Variants in SLC6A3 observed in about 807,000 individuals in gnomAD.
The protein encoded by SLC6A3 is solute carrier family 6 member 3.
In SLC6A3, 19 loss-of-function variants were observed where a neutral mutation model predicts 70.4. That is an observed-to-expected ratio of 0.27 (90% CI 0.19 to 0.40). SLC6A3 has a LOEUF of 0.40. Ranked by LOEUF, SLC6A3 falls within the 10% of genes least tolerant of loss-of-function variation. SLC6A3 has a pLI of 1.00. For synonymous variants in SLC6A3, 368 were observed against 356.6 expected, an observed-to-expected ratio of 1.03 and a Z score of -0.36; for missense variants, 613 against 838.5, an observed-to-expected ratio of 0.73 and a Z score of 3.32.
Position 1,406,098 on chromosome 5 carries a change from A to G in SLC6A3, c.1599+90T>C, listed in dbSNP as rs545621628. 430 of 912,040 alleles carry G rather than the reference A, an allele frequency of 4.7e-4. 2 individuals carry two copies. In the East Asian group the frequency reaches 8.5e-3, roughly 18 times the overall value. The allele number at this position is 912,040 out of a possible 1,614,324, so 56.5% of individuals were successfully genotyped here. A position where few individuals can be genotyped will look rare whatever the true frequency, so the allele number is the denominator to read the frequency against. ...GCCCCTGACTCCAGCCACAGTGACA[A>G]CCCACATGCGGGCGCTGGACCTCGG... is the stretch of plus-strand genomic sequence containing the variant. On this transcript the variant is annotated intron_variant, in intron 12 of 14. Transcript: ENST00000270349. This position sits in a 1 kb window ranked among gnomAD's most constrained non-coding sequence, Gnocchi z 8.8.
rs574051057 is a variant in SLC6A3, at chr5:1,413,381, C to T, written c.1156+1310G>A. Among the ~76,000 whole-genome samples, 16 of 152,310 alleles carry T rather than the reference C, an allele frequency of 1.1e-4. No homozygotes were observed. The highest frequency in any genetic ancestry group is 3.4e-4 in the African/African-American group (14 of 41,562). On this transcript the variant is annotated intron_variant, in intron 8 of 14. Coordinates refer to ENST00000270349, the MANE Select transcript of SLC6A3 (RefSeq NM_001044.5). This position sits in a 1 kb window ranked among gnomAD's most constrained non-coding sequence, Gnocchi z 7.1. ...TTCTGTTGCAAGCATGGAGTGGGCCCTTTCAGGTCTCTGAGCGTGTTCCTA... is the reference window on the plus strand; with the variant it reads ...TTCTGTTGCAAGCATGGAGTGGGCCTTTTCAGGTCTCTGAGCGTGTTCCTA...
chr5:1,426,677 G>A (rs1168374086), intron 4 of SLC6A3, among the ~76,000 whole-genome samples: 1 of 152,208 alleles, frequency 6.6e-6, no homozygotes, highest in Non-Finnish European at 1.5e-5. Flanking sequence ...ATATGCTAAG[G>A]AAAATAAGGC....
intron 14 of SLC6A3, among the ~76,000 whole-genome samples, chr5:1,398,465 G>A (rs898019364): frequency 5.3e-5 from 8 of 151,210 alleles, no homozygotes; most frequent in Non-Finnish European, 1.0e-4. Context: ...TCTATAAAAA[G>A]GCAATAAAGG....
At chr5:1,434,067 A>G (rs1255760814) in intron 3 of SLC6A3, among the ~76,000 whole-genome samples, 1 of 152,268 alleles carries the variant, frequency 6.6e-6, no homozygotes, top group Non-Finnish European at 1.5e-5. Context: ...ATCTGTGGCC[A>G]TCTATAGCTG....
chr5:1,410,100 C>T (rs551232826), intron 9 of SLC6A3, among the ~76,000 whole-genome samples: 7 of 152,274 alleles, frequency 4.6e-5, no homozygotes, highest in African/African-American at 9.6e-5. Flanking sequence ...GCAGCCTCTT[C>T]GATGTCTCTG....
At position 1,437,122 on chromosome 5, in the gene SLC6A3, G is replaced by A. The variant is rs1385261708; in HGVS notation, c.418+4237C>T. Among the ~76,000 whole-genome samples, 9 of 152,086 alleles carry A rather than the reference G, an allele frequency of 5.9e-5. No individual in the cohort carries two copies. In the East Asian group the frequency reaches 9.7e-4, roughly 16 times the overall value. On this transcript the variant is annotated intron_variant, in intron 3 of 14. Coordinates refer to ENST00000270349, the MANE Select transcript of SLC6A3 (RefSeq NM_001044.5). The surrounding 1 kb of genome is among the most constrained non-coding windows in gnomAD (Gnocchi z 4.8). ...AAAAATTAGCGGGGCGTGGTGGCAC[G>A]CACCTGTAGCCCCAGCTACTCGGGA...
intron 1 of SLC6A3, among the ~76,000 whole-genome samples, 185 bp from the exon 2 acceptor site, chr5:1,443,427 C>T (rs896877848): frequency 1.3e-5 from 2 of 152,216 alleles, no homozygotes; most frequent in African/African-American, 2.4e-5. Context: ...GAAGTGCCAG[C>T]CCTCACCACA....
In SLC6A3 at chr5:1,408,411, G is replaced by A. The variant is rs1265416815; in HGVS notation, c.1498+615C>T. Among the ~76,000 whole-genome samples, 4 of 152,050 alleles carry A rather than the reference G, an allele frequency of 2.6e-5. No individual in the cohort carries two copies. The highest frequency in any genetic ancestry group is 7.2e-5 in the African/African-American group (3 of 41,412). ...CTGGAAGTGAGCTGGCCAGGTAAGCGGAGCTGGCACTCCTGCCCATTTTAC... is the reference window on the plus strand; with the variant it reads ...CTGGAAGTGAGCTGGCCAGGTAAGCAGAGCTGGCACTCCTGCCCATTTTAC... On this transcript the variant is annotated intron_variant, in intron 11 of 14. Transcript: ENST00000270349. The surrounding 1 kb of genome is among the most constrained non-coding windows in gnomAD (Gnocchi z 6.4).
chr5:1,397,910 T>C lies in SLC6A3; in HGVS notation c.1839+3005A>G, dbSNP rs1289664671. ...ACAAGAACAATGACAGTGTCTAATTTGTGGGTTAAAAAGAGAGAAATAGAT... is the reference window on the plus strand; with the variant it reads ...ACAAGAACAATGACAGTGTCTAATTCGTGGGTTAAAAAGAGAGAAATAGAT... On this transcript the variant is annotated intron_variant, in intron 14 of 14. Transcript: ENST00000270349. The surrounding 1 kb of genome is among the most constrained non-coding windows in gnomAD (Gnocchi z 4.7). 1.3e-5 allele frequency among the ~76,000 whole-genome samples: 2 copies of C among 152,186 alleles called. No individual in the cohort carries two copies. The highest frequency in any genetic ancestry group is 2.9e-5 in the Non-Finnish European group (2 of 68,028).
chr5:1,423,770 G>A (rs1435637447), intron 4 of SLC6A3, among the ~76,000 whole-genome samples: 1 of 152,208 alleles, frequency 6.6e-6, no homozygotes, highest in African/African-American at 2.4e-5. Context: ...CACCACTGCA[G>A]ACTGTGACTT....
chr5:1,436,437 G>A lies in SLC6A3; in HGVS notation c.419-3739C>T, dbSNP rs537115731. Among the ~76,000 whole-genome samples the A allele has an allele frequency of 2.0e-5, 3 of 152,280 alleles. No individual in the cohort carries two copies. The highest frequency in any genetic ancestry group is 4.1e-4 in the South Asian group (2 of 4,822). ...GGTGGCAGGCAAAGTCCCTGCTCGCGTTTCCAGGGAAAACATTCATGAGAA... is the reference window on the plus strand; with the variant it reads ...GGTGGCAGGCAAAGTCCCTGCTCGCATTTCCAGGGAAAACATTCATGAGAA... On this transcript the variant is annotated intron_variant, in intron 3 of 14. Coordinates refer to ENST00000270349, the MANE Select transcript of SLC6A3 (RefSeq NM_001044.5). This position sits in a 1 kb window ranked among gnomAD's most constrained non-coding sequence, Gnocchi z 5.2.
In SLC6A3 at chr5:1,396,083, T is replaced by A. The variant is rs2111329177; in HGVS notation, c.1840-1325A>T. ...ACACGCACATCACAGTGATGAGAAT[T>A]TCACAAGAAACAGCAGAGCACACGC... On this transcript the variant is annotated intron_variant, in intron 14 of 14. Transcript: ENST00000270349. This position sits in a 1 kb window ranked among gnomAD's most constrained non-coding sequence, Gnocchi z 7.0. 6.6e-6 allele frequency among the ~76,000 whole-genome samples: 1 copy of A among 152,130 alleles called. No homozygotes were observed. The highest frequency in any genetic ancestry group is 2.1e-4 in the South Asian group (1 of 4,812).
chr5:1,436,472 T>C lies in SLC6A3; in HGVS notation c.419-3774A>G, dbSNP rs1756838895. The stretch of plus-strand genomic sequence containing the variant: ...AAAACATTCATGAGAACATGGCGCT[T>C]CCCTTCCCTCCTGTCTGACTCCCAG... On this transcript the variant is annotated intron_variant, in intron 3 of 14. Transcript: ENST00000270349. This position sits in a 1 kb window ranked among gnomAD's most constrained non-coding sequence, Gnocchi z 5.2. 6.6e-6 allele frequency among the ~76,000 whole-genome samples: 1 copy of C among 152,224 alleles called. No individual in the cohort carries two copies. The highest frequency in any genetic ancestry group is 2.4e-5 in the African/African-American group (1 of 41,458).
chr5:1,416,069 GC>G (rs1756283384), intron 7 of SLC6A3, 28 bp downstream of exon 7: 1 of 1,530,206 alleles, frequency 6.5e-7, no homozygotes, highest in African/African-American at 1.4e-5. Flanking sequence ...TATTGATGAG[GC>G]CCCTGCCTGG....
rs1430760380 is a variant in SLC6A3 at position 1,396,054 on chromosome 5, T to C, written c.1840-1296A>G. ...GCCACATAGGGGACTCTCAGAAAAG[T>C]GACACACGCACATCACAGTGATGAG... On this transcript the variant is annotated intron_variant, in intron 14 of 14. Coordinates refer to ENST00000270349, the MANE Select transcript of SLC6A3 (RefSeq NM_001044.5). This position sits in a 1 kb window ranked among gnomAD's most constrained non-coding sequence, Gnocchi z 7.0. 1.3e-5 allele frequency among the ~76,000 whole-genome samples: 2 copies of C among 152,046 alleles called. No homozygotes were observed. The highest frequency in any genetic ancestry group is 4.8e-5 in the African/African-American group (2 of 41,358).
At chr5:1,443,598 C>T (rs2126416911) in intron 1 of SLC6A3, among the ~76,000 whole-genome samples, 1 of 152,380 alleles carries the variant, frequency 6.6e-6, no homozygotes, top group Middle Eastern at 3.4e-3. Context: ...TTCCCCCACA[C>T]TTCCAGAGAG....
chr5:1,397,431 AAAACAAACAAACAAAC>A lies in SLC6A3; in HGVS notation c.1840-2689_1840-2674del, dbSNP rs57510492. Among the ~76,000 whole-genome samples the A allele has an allele frequency of 2.0e-3, 300 of 151,886 alleles. 8 individuals are homozygous for A. In the South Asian group the frequency reaches 0.048, roughly 24 times the overall value. On this transcript the variant is annotated intron_variant, in intron 14 of 14. Transcript: ENST00000270349. The surrounding 1 kb of genome is among the most constrained non-coding windows in gnomAD (Gnocchi z 4.7). ...GGGCTACAGAGCGAGACTCCGTCTC[AAAACAAACAAACAAAC>A]AAACAAACAAACAAAAAAGAAACCC...
chr5:1,398,418 A>G lies in SLC6A3; in HGVS notation c.1839+2497T>C, dbSNP rs1158053832. 2.0e-5 allele frequency among the ~76,000 whole-genome samples: 3 copies of G among 152,236 alleles called. No homozygotes were observed. In the East Asian group the frequency reaches 5.8e-4, roughly 29 times the overall value. ...GTTCTAAGCAAGTAGAGAGAAATAA[A>G]CGGAATAATAAAAATGAGTGAACCA... On this transcript the variant is annotated intron_variant, in intron 14 of 14. Coordinates refer to ENST00000270349, the MANE Select transcript of SLC6A3 (RefSeq NM_001044.5).
chr5:1,422,529 G>A (rs1445278537), intron 4 of SLC6A3, among the ~76,000 whole-genome samples: 1 of 137,318 alleles, frequency 7.3e-6, no homozygotes, highest in African/African-American at 2.8e-5. Context: ...TGCCCACAGT[G>A]CTGCCCACGC....
Sources: allele counts gnomAD v4.1 joint callset (sites outside exome capture counted in the v4.1 genomes callset), GRCh38; gene constraint gnomAD v4.1.1; non-coding constraint Gnocchi (gnomAD v3.1); transcripts MANE v1.5; gene names NCBI Gene and HGNC (gene_info 2026-07-23, HGNC 2026-07-21).